PTPRD: variants seen among roughly 807,000 people sequenced by gnomAD.
PTPRD encodes the protein protein tyrosine phosphatase receptor type D.
In PTPRD, 34 loss-of-function variants were observed where a neutral mutation model predicts 214.5. The observed-to-expected ratio is 0.16, with a 90% CI of 0.12 to 0.21. The LOEUF (loss-of-function observed/expected upper bound fraction) is 0.21. Among genes scored for constraint, PTPRD ranks in the 10% least tolerant of loss-of-function variants. The pLI is 1.00. For missense variants in PTPRD, 2,545 were observed against 2,398.7 expected, an observed-to-expected ratio of 1.06 and a Z score of -1.27; for synonymous variants, 1,128 against 845.7, an observed-to-expected ratio of 1.33 and a Z score of -5.79.
intron 11 of PTPRD, among the ~76,000 whole-genome samples, chr9:8,902,318 C>T (rs771862264): frequency 1.3e-5 from 2 of 150,346 alleles, no homozygotes; most frequent in Non-Finnish European, 3.0e-5. Flanking sequence ...CTGGAATTGG[C>T]ATTTTTCTTT....
intron 3 of PTPRD, among the ~76,000 whole-genome samples, chr9:10,241,329 C>G (rs2091002041): frequency 1.3e-5 from 2 of 151,696 alleles, no homozygotes; most frequent in African/African-American, 4.8e-5. Context: ...ATCATATGAC[C>G]CAATCATTTC....
intron 8 of PTPRD, among the ~76,000 whole-genome samples, chr9:9,426,996 C>T (rs527581971): frequency 6.6e-6 from 1 of 152,268 alleles, no homozygotes; most frequent in East Asian, 1.9e-4. Context: ...AAAATCAGAA[C>T]ACCTCTTCTC....
intron 3 of PTPRD, among the ~76,000 whole-genome samples, chr9:10,265,041 G>C (rs910806261): frequency 2.0e-5 from 3 of 152,120 alleles, no homozygotes; most frequent in African/African-American, 4.8e-5. Flanking sequence ...GGCCTTCCCA[G>C]TCATGGGGAA....
chr9:9,942,423 C>G (rs181449703), intron 4 of PTPRD, among the ~76,000 whole-genome samples: 1 of 152,096 alleles, frequency 6.6e-6, no homozygotes, highest in Admixed American at 6.6e-5. Context: ...TTAAAAAACC[C>G]CTTTACCTAT....
chr9:9,958,930 G>A (rs959970182), intron 4 of PTPRD, among the ~76,000 whole-genome samples: 1 of 152,128 alleles, frequency 6.6e-6, no homozygotes, highest in Non-Finnish European at 1.5e-5. Context: ...AGCCATTTTA[G>A]AAAAAGGTTT....
intron 7 of PTPRD, among the ~76,000 whole-genome samples, chr9:9,678,013 G>A (rs143409885): frequency 9.9e-4 from 150 of 152,160 alleles, no homozygotes; most frequent in African/African-American, 3.4e-3. Flanking sequence ...AACTTACAAG[G>A]GATGTGAAGG....
chr9:8,526,481 C>G, intron 17 of PTPRD, 146 bp downstream of exon 17: 1 of 489,932 alleles, frequency 2.0e-6, no homozygotes, highest in Non-Finnish European at 3.5e-6. Context: ...ATGAGAGTCA[C>G]TGATCATAAC....
intron 8 of PTPRD, among the ~76,000 whole-genome samples, chr9:9,572,822 T>C (rs989845717): frequency 6.6e-6 from 1 of 151,362 alleles, no homozygotes; most frequent in African/African-American, 2.4e-5. Flanking sequence ...ATAGCATTAA[T>C]ATTCAATATA....
intron 2 of PTPRD, among the ~76,000 whole-genome samples, chr9:10,523,962 C>T (rs2053421793): frequency 6.6e-6 from 1 of 151,900 alleles, no homozygotes; most frequent in South Asian, 2.1e-4. Flanking sequence ...TATATTTTCT[C>T]TCAGTTCTGC....
chr9:10,086,881 A>C (rs1438076957), intron 3 of PTPRD, among the ~76,000 whole-genome samples: 1 of 151,776 alleles, frequency 6.6e-6, no homozygotes, highest in Non-Finnish European at 1.5e-5. Context: ...CATCTATAAA[A>C]CTGATCTATA....
intron 2 of PTPRD, among the ~76,000 whole-genome samples, chr9:10,383,159 G>T (rs2154485164): frequency 6.6e-6 from 1 of 151,920 alleles, no homozygotes; most frequent in African/African-American, 2.4e-5. Context: ...TAGAAACCAT[G>T]AACTTACAGG....
intron 2 of PTPRD, among the ~76,000 whole-genome samples, chr9:10,484,849 A>C (rs2784607): frequency 6.6e-6 from 1 of 151,718 alleles, no homozygotes; most frequent in African/African-American, 2.4e-5. Flanking sequence ...TTTGCTGTGC[A>C]GAAGCTCTAC....
chr9:10,535,092 C>T (rs533124764), intron 2 of PTPRD, among the ~76,000 whole-genome samples: 2 of 152,106 alleles, frequency 1.3e-5, no homozygotes, highest in Non-Finnish European at 2.9e-5. Context: ...GCTTCAGCAG[C>T]CTGAATGTCA....
intron 5 of PTPRD, among the ~76,000 whole-genome samples, chr9:9,813,737 A>G (rs1011244724): frequency 3.3e-5 from 5 of 152,280 alleles, no homozygotes; most frequent in South Asian, 4.1e-4. Flanking sequence ...AAAATTTGAA[A>G]AGGGAATACT....
chr9:9,397,155 A>G (rs1396584267), intron 9 of PTPRD, among the ~76,000 whole-genome samples: 2 of 152,022 alleles, frequency 1.3e-5, no homozygotes, highest in Non-Finnish European at 2.9e-5. Context: ...TAACTACTAA[A>G]AGAGTAACTA....
At chr9:9,213,241 G>A (rs1012649927) in intron 9 of PTPRD, among the ~76,000 whole-genome samples, 1 of 152,116 alleles carries the variant, frequency 6.6e-6, no homozygotes, top group African/African-American at 2.4e-5. Flanking sequence ...CATTAACTGA[G>A]AGGCGTAAAT....
rs765046776 is a variant in PTPRD at position 10,267,084 on chromosome 9, G to A, written c.-545+73879C>T. Among the ~76,000 whole-genome samples the A allele has an allele frequency of 1.4e-3, 207 of 151,730 alleles. 3 individuals are homozygous for A. The highest frequency in any genetic ancestry group is 2.5e-3 in the Non-Finnish European group (168 of 67,918). On this transcript the variant is annotated intron_variant, in intron 3 of 45. Transcript: ENST00000381196. ...GCGGTCCCCTGTAATGCAGTTACTC[G>A]GGAGGCTGAGGCAGGAGAGTCGCCT...
At chr9:8,462,187 TTCC>T (rs1250512567) in intron 32 of PTPRD, among the ~76,000 whole-genome samples, 1 of 151,994 alleles carries the variant, frequency 6.6e-6, no homozygotes, top group East Asian at 1.9e-4. Context: ...CCTTCTTCCC[TTCC>T]TCCTCACTTC....
At chr9:8,382,571 C>G (rs575343331) in intron 37 of PTPRD, among the ~76,000 whole-genome samples, 1 of 152,304 alleles carries the variant, frequency 6.6e-6, no homozygotes, top group South Asian at 2.1e-4. Flanking sequence ...AGCTAACAAA[C>G]AGCAAGAAAT....
Sources: gnomAD v4.1 joint callset for allele counts (sites outside exome capture counted in the v4.1 genomes callset) on GRCh38, gnomAD v4.1.1 for gene constraint, MANE v1.5 for transcripts, NCBI Gene and HGNC (gene_info 2026-07-23, HGNC 2026-07-21) for gene names.